INPP4B: variants seen among roughly 807,000 people sequenced by gnomAD.
INPP4B encodes the protein inositol polyphosphate 4-phosphatase type II.
Under a neutral mutation model 122.5 loss-of-function variants are expected in INPP4B, and 55 were observed. The observed-to-expected ratio is 0.45, with a 90% confidence interval of 0.36 to 0.56. The LOEUF is 0.56. Ranked by LOEUF, INPP4B falls within the 20% of genes least tolerant of loss-of-function variation. The pLI is 0.00. For synonymous variants in INPP4B, 403 were observed against 388.7 expected, an observed-to-expected ratio of 1.04 and a Z score of -0.43; for missense variants, 1,000 against 1,097.7, an observed-to-expected ratio of 0.91 and a Z score of 1.26.
At chr4:142,335,283 ATC>A (rs1776220004) in intron 7 of INPP4B, among the ~76,000 whole-genome samples, 2 of 152,068 alleles carry the variant, frequency 1.3e-5, no homozygotes, top group Non-Finnish European at 2.9e-5. Context: ...AACAACAAAA[ATC>A]TAGTTAACTG....
intron 1 of INPP4B, among the ~76,000 whole-genome samples, chr4:142,777,807 T>G (rs1774165632): frequency 6.6e-6 from 1 of 152,188 alleles, no homozygotes; most frequent in South Asian, 2.1e-4. Context: ...GCTCTCTATC[T>G]CTACATCTGC....
chr4:142,676,433 C>T (rs896531492), intron 2 of INPP4B, among the ~76,000 whole-genome samples: 6 of 151,830 alleles, frequency 4.0e-5, no homozygotes, highest in African/African-American at 7.3e-5. Flanking sequence ...ATTTATAGAG[C>T]GAATACTATC....
intron 2 of INPP4B, among the ~76,000 whole-genome samples, chr4:142,470,705 T>C (rs774437563): frequency 2.6e-5 from 4 of 152,194 alleles, no homozygotes; most frequent in Non-Finnish European, 4.4e-5. Context: ...TTGAATAAAT[T>C]AATGAGCTTG....
chr4:142,723,105 T>C (rs1419146580), intron 2 of INPP4B, among the ~76,000 whole-genome samples: 1 of 152,122 alleles, frequency 6.6e-6, no homozygotes, highest in Non-Finnish European at 1.5e-5. Flanking sequence ...TGAACATAAG[T>C]AACCCTGTAT....
chr4:142,327,621 C>A (rs1021568149), intron 7 of INPP4B, among the ~76,000 whole-genome samples: 5 of 152,110 alleles, frequency 3.3e-5, no homozygotes, highest in Non-Finnish European at 7.4e-5. Context: ...ATCAATGGTT[C>A]TCAACATGGG....
chr4:142,130,901 A>G (rs1476652567), intron 18 of INPP4B, among the ~76,000 whole-genome samples: 1 of 152,200 alleles, frequency 6.6e-6, no homozygotes, highest in Non-Finnish European at 1.5e-5. Flanking sequence ...AAAACTTTCC[A>G]GTCTTGCTCT....
intron 21 of INPP4B, among the ~76,000 whole-genome samples, chr4:142,117,895 C>T (rs1217437558): frequency 6.6e-6 from 1 of 152,108 alleles, no homozygotes; most frequent in Non-Finnish European, 1.5e-5. Context: ...TAGAAAACCC[C>T]ATCGTCTAAG....
chr4:142,035,656 G>A (rs336347), intron 25 of INPP4B, among the ~76,000 whole-genome samples: 15,757 of 152,138 alleles, frequency 0.1, 1,491 homozygotes, highest in African/African-American at 0.25. Context: ...TACCACCCCA[G>A]ACTATATTTG....
intron 14 of INPP4B, among the ~76,000 whole-genome samples, chr4:142,207,622 C>T (rs981047857): frequency 2.8e-4 from 42 of 152,030 alleles, no homozygotes; most frequent in Non-Finnish European, 2.1e-4. Flanking sequence ...GTCGTTTACA[C>T]GGGGAGACTT....
At chr4:142,374,395 C>G (rs1440532015) in intron 7 of INPP4B, among the ~76,000 whole-genome samples, 5 of 151,848 alleles carry the variant, frequency 3.3e-5, no homozygotes, top group African/African-American at 1.2e-4. Flanking sequence ...CTCAGCAAAG[C>G]TTACCCAGAT....
intron 19 of INPP4B, among the ~76,000 whole-genome samples, chr4:142,123,750 TA>T (rs760890452): frequency 9.2e-5 from 14 of 152,096 alleles, no homozygotes; most frequent in Non-Finnish European, 1.6e-4. Flanking sequence ...ACATGTAAAA[TA>T]GAGATGATAA....
chr4:142,231,091 GTGTA>G (rs1185805904), intron 12 of INPP4B, among the ~76,000 whole-genome samples: 6 of 152,212 alleles, frequency 3.9e-5, no homozygotes, highest in African/African-American at 1.4e-4. Flanking sequence ...CTGAGACTTT[GTGTA>G]TGTACCATCT....
At chr4:142,708,973 G>A (rs1443944969) in intron 2 of INPP4B, among the ~76,000 whole-genome samples, 1 of 152,092 alleles carries the variant, frequency 6.6e-6, no homozygotes, top group African/African-American at 2.4e-5. Flanking sequence ...GTTCTACCCT[G>A]CAGAACCACA....
At chr4:142,396,464 C>A (rs1799409686) in intron 7 of INPP4B, among the ~76,000 whole-genome samples, 2 of 152,008 alleles carry the variant, frequency 1.3e-5, no homozygotes, top group Non-Finnish European at 2.9e-5. Flanking sequence ...TTGGCAATAT[C>A]ATGTGTTGGA....
intron 2 of INPP4B, among the ~76,000 whole-genome samples, chr4:142,531,442 C>G (rs1011346406): frequency 2.6e-5 from 4 of 152,020 alleles, no homozygotes; most frequent in Admixed American, 6.6e-5. Context: ...AATAATGAAT[C>G]ATATGTAATC....
intron 2 of INPP4B, among the ~76,000 whole-genome samples, chr4:142,644,370 T>A (rs927861476): frequency 8.6e-5 from 13 of 151,878 alleles, no homozygotes; most frequent in Non-Finnish European, 1.5e-4. Flanking sequence ...CCTGTCAGGA[T>A]CACTGTAGTC....
chr4:142,667,156 A>C (rs1257333107), intron 2 of INPP4B, among the ~76,000 whole-genome samples: 2 of 152,224 alleles, frequency 1.3e-5, no homozygotes, highest in African/African-American at 4.8e-5. Flanking sequence ...TATTCCCTAC[A>C]TAGTATGACA....
At chr4:142,488,340 T>C (rs1821443933) in intron 2 of INPP4B, among the ~76,000 whole-genome samples, 1 of 152,092 alleles carries the variant, frequency 6.6e-6, no homozygotes, top group African/African-American at 2.4e-5. Context: ...TGATGAGGGA[T>C]AATGGAATGT....
intron 7 of INPP4B, among the ~76,000 whole-genome samples, chr4:142,358,677 A>G (rs1037365675): frequency 7.0e-6 from 1 of 142,286 alleles, no homozygotes; most frequent in African/African-American, 2.6e-5. Context: ...AAAAACTCCC[A>G]GGTGATTCCA....
Sources: allele counts gnomAD v4.1 joint callset (sites outside exome capture counted in the v4.1 genomes callset), GRCh38; gene constraint gnomAD v4.1.1; transcripts MANE v1.5; gene names NCBI Gene and HGNC (gene_info 2026-07-23, HGNC 2026-07-21).